The following CFAP65 variants were observed in gnomAD, a reference collection of about 807,000 sequenced individuals.
CFAP65 encodes cilia- and flagella-associated protein 65.
A neutral mutation model predicts 208.0 loss-of-function variants in CFAP65; 155 were observed. The observed-to-expected ratio is 0.75, with a 90% confidence interval of 0.65 to 0.85. CFAP65 has a LOEUF of 0.85. Among genes scored for constraint, CFAP65 ranks in the 40% least tolerant of loss-of-function variants. The probability of loss-of-function intolerance (pLI) is 0.00; values close to 1 mark genes in which losing one functional copy is unlikely to be tolerated. For synonymous variants in CFAP65, 970 were observed against 986.3 expected (o/e 0.98, Z 0.31); for missense variants, 2,294 against 2,451.3 (o/e 0.94, Z 1.36).
intron 21 of CFAP65, among the ~76,000 whole-genome samples, chr2:219,017,440 T>G (rs1309444320): frequency 6.6e-6 from 1 of 152,214 alleles, no homozygotes. Context: ...TTGGCAGGAA[T>G]AAAACCCTCC....
At chr2:219,024,470 A>AGGGAGACGGG (rs1168795562) in intron 14 of CFAP65, among the ~76,000 whole-genome samples, 4 of 6,952 alleles carry the variant, frequency 5.8e-4, no homozygotes, top group African/African-American at 2.8e-3. Flanking sequence ...ACCTCCAGAA[A>AGGGAGACGGG]GGGGCGGGGG....
Position 219,021,940 on chromosome 2 carries a change from ACAGT to A in CFAP65, c.2980-14_2980-11del. ...GCTCCTTTTCCTTTGCCTGGAGGCCACAGTCAGCCAGCCGGGAGTGGGAGCTCCT... is the reference window on the plus strand; with the variant it reads ...GCTCCTTTTCCTTTGCCTGGAGGCCACAGCCAGCCGGGAGTGGGAGCTCCT... On this transcript the variant is annotated splice_polypyrimidine_tract_variant and intron_variant, in intron 17 of 34. Transcript: ENST00000341552. 1 of 1,612,846 alleles carries A rather than the reference ACAGT, an allele frequency of 6.2e-7. No individual in the cohort carries two copies. The highest frequency in any genetic ancestry group is 1.1e-5 in the South Asian group (1 of 91,040).
Position 219,019,732 on chromosome 2 carries a change from G to T in CFAP65, c.3260-13C>A, listed in dbSNP as rs756804210. 7.5e-6 allele frequency: 12 copies of T among 1,610,662 alleles called. No homozygotes were observed. Among genetic ancestry groups the T allele is most frequent in the African/African-American group, 4.0e-5 (3 of 75,022 alleles). On this transcript the variant is annotated splice_polypyrimidine_tract_variant and intron_variant, in intron 19 of 34. Transcript: ENST00000341552. ...CCAGCCTTGTTATCTGGGGAGGGGGGTGAGGAAGACAGAAGTGGGCTTGCC... is the reference window on the plus strand; with the variant it reads ...CCAGCCTTGTTATCTGGGGAGGGGGTTGAGGAAGACAGAAGTGGGCTTGCC...
intron 14 of CFAP65, among the ~76,000 whole-genome samples, chr2:219,025,635 G>C (rs1947579617): frequency 6.6e-6 from 1 of 152,166 alleles, no homozygotes; most frequent in African/African-American, 2.4e-5. Context: ...CTTCCCAAAG[G>C]CAGGGGCTGC....
rs558301414 is a variant in CFAP65 at position 219,020,569 on chromosome 2, G to A, written c.3259+583C>T. Among the ~76,000 whole-genome samples, 12 of 118,256 alleles carry A rather than the reference G, an allele frequency of 1.0e-4. No homozygotes were observed. The South Asian group carries it at 3.1e-3, about 30-fold the overall frequency. 77.6% of individuals were successfully genotyped at this position (118,256 alleles called of 152,430 possible). A position where few individuals can be genotyped will look rare whatever the true frequency, so the allele number is the denominator to read the frequency against. ...CTAATACTTTTATTTTTGTAGAGAT[G>A]GGGTCTTGCTATGTTGCCCAGGCTG... On this transcript the variant is annotated intron_variant, in intron 19 of 34. Transcript: ENST00000341552.
In CFAP65 at chr2:219,016,289, C is replaced by CTTTTT. The variant is rs5838714; in HGVS notation, c.3603-2250_3603-2246dup. 3.2e-4 allele frequency among the ~76,000 whole-genome samples: 27 copies of CTTTTT among 85,570 alleles called. 1 individual carries two copies. Among genetic ancestry groups the CTTTTT allele is most frequent in the African/African-American group, 5.4e-4 (9 of 16,810 alleles). 56.1% of individuals were successfully genotyped at this position (85,570 alleles called of 152,430 possible). On this transcript the variant is annotated intron_variant, in intron 21 of 34. Coordinates refer to ENST00000341552, the MANE Select transcript of CFAP65 (RefSeq NM_194302.4). ...CTTCTGCCCTGGTCCAGTCTCCCTC[C>CTTTTT]TTTTTTTTTTTTTTTTTTTTTTTTT...
At position 219,004,188 on chromosome 2, in the gene CFAP65, T is replaced by C. The variant is rs1405119251; in HGVS notation, c.5319A>G (p.Glu1773=). ...GEEEKGEEEE[E]ELEEEEEEEE... ...CTTCCTCCTCTTCCTCCTCCAACTC[T>C]TCTTCTTCCTCTTCACCCTTCTCCT... Residue 1773 remains glutamate (E), a synonymous_variant, in exon 33 of 35, where the codon GAA becomes GAG. Transcript: ENST00000341552. This position sits in a 1 kb window ranked among gnomAD's most constrained non-coding sequence, Gnocchi z 4.7. 2 of 1,613,158 alleles carry C rather than the reference T, an allele frequency of 1.2e-6. No homozygotes were observed. Among genetic ancestry groups the C allele is most frequent in the Non-Finnish European group, 8.5e-7 (1 of 1,179,360 alleles).
chr2:219,031,599 T>A lies in CFAP65; in HGVS notation c.705A>T (p.Leu235=), dbSNP rs778370385. The change falls in exon 7 of 35, where the codon CTA becomes CTT. Residue 235 remains leucine (L), a synonymous_variant. Transcript: ENST00000341552. This position sits in a 1 kb window ranked among gnomAD's most constrained non-coding sequence, Gnocchi z 5.2. The part of the protein sequence containing the change: ...EKAEGMFCVG[L]RATLPCHRLI... Reference sequence around the variant, plus strand: ...GCCTGTGGCAGGGCAGGGTGGCCCGTAGGCCGACACAGAACATCCCCTCCG... The same window carrying A: ...GCCTGTGGCAGGGCAGGGTGGCCCGAAGGCCGACACAGAACATCCCCTCCG... 1.2e-6 allele frequency: 2 copies of A among 1,614,122 alleles called. No homozygotes were observed. The highest frequency in any genetic ancestry group is 1.7e-6 in the Non-Finnish European group (2 of 1,179,998).
intron 21 of CFAP65, chr2:219,018,806 C>G (rs1574578718): frequency 1.8e-6 from 1 of 547,036 alleles, no homozygotes; most frequent in Non-Finnish European, 3.3e-6. Flanking sequence ...GGCCACTATG[C>G]CCAGGCTCCA....
rs555952352 is a variant in CFAP65, at chr2:219,003,435, T to C, written c.5556-163A>G. ...CATTCTTGTTTCAATGTTACGGACG[T>C]TCCAAGTGTGGCTAAAAGATTCCAA... On this transcript the variant is annotated intron_variant, in intron 33 of 34. Coordinates refer to ENST00000341552, the MANE Select transcript of CFAP65 (RefSeq NM_194302.4). This position sits in a 1 kb window ranked among gnomAD's most constrained non-coding sequence, Gnocchi z 4.4. Among the ~76,000 whole-genome samples the C allele has an allele frequency of 6.6e-6, 1 of 152,342 alleles. No homozygotes were observed. Among genetic ancestry groups the C allele is most frequent in the East Asian group, 1.9e-4 (1 of 5,174 alleles).
chr2:219,039,076 G>A, intron 2 of CFAP65, 26 bp from the exon 3 acceptor site: 1 of 1,573,400 alleles, frequency 6.4e-7, no homozygotes, highest in Admixed American at 1.8e-5. Flanking sequence ...CAAAGCATAA[G>A]TCAATCCATC....
In CFAP65 at chr2:219,013,939, G is replaced by A; in HGVS notation, c.3708C>T (p.Cys1236=). The A allele has an allele frequency of 6.2e-7, 1 of 1,613,992 alleles. No homozygotes were observed. The highest frequency in any genetic ancestry group is 8.5e-7 in the Non-Finnish European group (1 of 1,179,970). Residue 1236 remains cysteine, a synonymous_variant, in exon 22 of 35, where the codon TGC becomes TGT. Coordinates refer to ENST00000341552, the MANE Select transcript of CFAP65 (RefSeq NM_194302.4). The stretch of plus-strand genomic sequence containing the variant: ...CAGCCTTGGGGCTGATGGAGAAGAG[G>A]CAATTGTCCTGCACGCGCATCTGGT... ...ELHQMRVQDN[C]LFSISPKAGS...
Position 219,016,928 on chromosome 2 carries a change from C to T in CFAP65, c.3602+2123G>A, listed in dbSNP as rs536202126. On this transcript the variant is annotated intron_variant, in intron 21 of 34. Transcript: ENST00000341552. ...CTCTCCACCCGCTGCTCCAGCCACG[C>T]GGTGTACACACCAGGCCCTCTGTCT... Among the ~76,000 whole-genome samples the T allele has an allele frequency of 1.5e-4, 23 of 152,366 alleles. 1 individual carries two copies. Among genetic ancestry groups the T allele is most frequent in the African/African-American group, 5.3e-4 (22 of 41,590 alleles).
chr2:219,019,158 G>A lies in CFAP65; in HGVS notation c.3495C>T (p.Val1165=). 1 of 1,613,778 alleles carries A rather than the reference G, an allele frequency of 6.2e-7. No homozygotes were observed. Among genetic ancestry groups the A allele is most frequent in the Non-Finnish European group, 8.5e-7 (1 of 1,179,778 alleles). The change falls in exon 21 of 35, where the codon GTC becomes GTT. Residue 1165 remains valine, a synonymous_variant. Coordinates refer to ENST00000341552, the MANE Select transcript of CFAP65 (RefSeq NM_194302.4). ...TRHSMSQIPP[V]LTPLRLDFNF... ...TGAAGTCAAGCCTTAAAGGGGTGAG[G>A]ACGGGGGGGATCTGGCTCATGCTGT...
chr2:219,002,884 AG>A lies in CFAP65; in HGVS notation c.*52del. ...CTAGATGCTTTTACTGGCGGTGGAG[AG>A]GGGGCCAGGCGTGACCCCTAGCGGC... On this transcript the variant is annotated 3_prime_UTR_variant, in exon 35 of 35. Coordinates refer to ENST00000341552, the MANE Select transcript of CFAP65 (RefSeq NM_194302.4). The surrounding 1 kb of genome is among the most constrained non-coding windows in gnomAD (Gnocchi z 7.9). 5 of 1,428,462 alleles carry A rather than the reference AG, an allele frequency of 3.5e-6. No homozygotes were observed. The highest frequency in any genetic ancestry group is 4.8e-6 in the Non-Finnish European group (5 of 1,033,806). The allele number at this position is 1,428,462 out of a possible 1,614,324, so 88.5% of individuals were successfully genotyped here.
At chr2:219,006,352 C>T (rs2106061408) in intron 30 of CFAP65, 113 bp downstream of exon 30, 1 of 1,506,248 alleles carries the variant, frequency 6.6e-7, no homozygotes, top group Non-Finnish European at 9.2e-7. Context: ...CTCATTGGCA[C>T]TTTCATCCCT....
At chr2:219,013,194 G>T in intron 24 of CFAP65, 65 bp downstream of exon 24, 1 of 1,116,636 alleles carries the variant, frequency 9.0e-7, no homozygotes, top group South Asian at 1.3e-5. Flanking sequence ...CTCAAGGGCT[G>T]ACACTCATAC....
chr2:219,024,585 A>G, intron 14 of CFAP65, among the ~76,000 whole-genome samples: 1 of 151,304 alleles, frequency 6.6e-6, no homozygotes, highest in East Asian at 1.9e-4. Flanking sequence ...TCTTTGCATC[A>G]CTCTTTGGAG....
intron 14 of CFAP65, 48 bp from the exon 15 acceptor site, chr2:219,024,308 C>T (rs1947473323): frequency 6.4e-7 from 1 of 1,571,248 alleles, no homozygotes; most frequent in South Asian, 1.2e-5. Context: ...GACCTCCACC[C>T]TGGGACACAC....
Sources: gnomAD v4.1 joint callset for allele counts (sites outside exome capture counted in the v4.1 genomes callset) on GRCh38, gnomAD v4.1.1 for gene constraint, Gnocchi (gnomAD v3.1) non-coding constraint, MANE v1.5 for transcripts, NCBI Gene and HGNC (gene_info 2026-07-23, HGNC 2026-07-21) for gene names.